The following CTNNA1 variants were observed in gnomAD, a reference collection of about 807,000 sequenced individuals.
CTNNA1 encodes the protein catenin alpha 1.
In CTNNA1, 37 loss-of-function variants were observed where a neutral mutation model predicts 98.4. That is an observed-to-expected ratio of 0.38 (90% CI 0.29 to 0.49). The LOEUF (loss-of-function observed/expected upper bound fraction) is 0.49. Ranked by LOEUF, CTNNA1 falls within the 20% of genes least tolerant of loss-of-function variation. The pLI is 0.95. For missense variants in CTNNA1, 761 were observed against 1,147.2 expected, an observed-to-expected ratio of 0.66 and a Z score of 4.86; for synonymous variants, 404 against 413.2, an observed-to-expected ratio of 0.98 and a Z score of 0.27.
intron 6 of CTNNA1, among the ~76,000 whole-genome samples, chr5:138,825,666 G>T (rs1760642169): frequency 2.6e-5 from 4 of 151,142 alleles, no homozygotes; most frequent in Non-Finnish European, 5.9e-5. Context: ...GTTTTTCCTT[G>T]CCTTTACCTT....
chr5:138,766,555 A>G (rs1403481157), intron 1 of CTNNA1, among the ~76,000 whole-genome samples: 1 of 151,656 alleles, frequency 6.6e-6, no homozygotes, highest in African/African-American at 2.4e-5. Context: ...TCAACCAGAG[A>G]TAACAGAGCC....
At chr5:138,920,804 T>A (rs897730659) in intron 11 of CTNNA1, among the ~76,000 whole-genome samples, 4 of 152,218 alleles carry the variant, frequency 2.6e-5, no homozygotes, top group African/African-American at 9.6e-5. Flanking sequence ...AGCTCCTTTG[T>A]TCTGGATATT....
chr5:138,825,524 C>G (rs1228673980), intron 6 of CTNNA1, among the ~76,000 whole-genome samples: 5 of 42,624 alleles, frequency 1.2e-4, no homozygotes, highest in African/African-American at 5.6e-4. Context: ...ACTGTTGGGG[C>G]TAATTAAAAA....
chr5:138,759,507 C>T (rs1431478037), intron 1 of CTNNA1, among the ~76,000 whole-genome samples: 1 of 152,172 alleles, frequency 6.6e-6, no homozygotes, highest in East Asian at 1.9e-4. Flanking sequence ...GAGGTGGGGG[C>T]CCTTGGCCCA....
chr5:138,902,506 G>A (rs779041528), intron 9 of CTNNA1, among the ~76,000 whole-genome samples: 2 of 152,130 alleles, frequency 1.3e-5, no homozygotes, highest in African/African-American at 4.8e-5. Flanking sequence ...TGCAAGCTCC[G>A]CCTCTCAGGT....
intron 3 of CTNNA1, among the ~76,000 whole-genome samples, chr5:138,795,073 T>G (rs1756791580): frequency 6.9e-6 from 1 of 145,710 alleles, no homozygotes; most frequent in South Asian, 2.1e-4. Context: ...TCACTTGAAC[T>G]CGGGAGGTGA....
chr5:138,846,198 C>T (rs561321824), intron 7 of CTNNA1, among the ~76,000 whole-genome samples: 10 of 152,320 alleles, frequency 6.6e-5, no homozygotes, highest in African/African-American at 2.2e-4. Context: ...GTGATCCACC[C>T]TCCTCGGCCT....
intron 1 of CTNNA1, among the ~76,000 whole-genome samples, chr5:138,767,516 T>C (rs1325252726): frequency 6.6e-6 from 1 of 152,216 alleles, no homozygotes; most frequent in Non-Finnish European, 1.5e-5. Flanking sequence ...TTCCTGACTA[T>C]TTGGGGACCG....
At chr5:138,909,007 G>C (rs1561712618) in intron 10 of CTNNA1, among the ~76,000 whole-genome samples, 1 of 152,064 alleles carries the variant, frequency 6.6e-6, no homozygotes, top group African/African-American at 2.4e-5. Context: ...TATAGTAGCT[G>C]CTTTAAATAT....
chr5:138,810,723 C>T (rs1169700493), intron 4 of CTNNA1, among the ~76,000 whole-genome samples: 3 of 152,210 alleles, frequency 2.0e-5, no homozygotes, highest in Non-Finnish European at 2.9e-5. Flanking sequence ...TCCGATTTCT[C>T]AATCTTTTCC....
intron 10 of CTNNA1, among the ~76,000 whole-genome samples, chr5:138,909,544 G>A (rs1760084249): frequency 6.6e-6 from 1 of 151,776 alleles, no homozygotes; most frequent in African/African-American, 2.4e-5. Flanking sequence ...TTTTTTGTTT[G>A]CCCAGGCTGG....
intron 7 of CTNNA1, chr5:138,828,347 C>T (rs1760931261): frequency 6.6e-6 from 1 of 151,286 alleles, no homozygotes; most frequent in South Asian, 2.1e-4. Flanking sequence ...CATAAAAACC[C>T]AGGCTATGAA....
chr5:138,864,116 C>T (rs75508164), intron 7 of CTNNA1, among the ~76,000 whole-genome samples: 120 of 152,302 alleles, frequency 7.9e-4, no homozygotes, highest in African/African-American at 2.7e-3. Context: ...GTGCACCACA[C>T]CCAGCTACTT....
intron 3 of CTNNA1, among the ~76,000 whole-genome samples, chr5:138,799,703 G>A (rs1241057477): frequency 6.7e-6 from 1 of 149,794 alleles, no homozygotes; most frequent in African/African-American, 2.5e-5. Flanking sequence ...TTATATACTT[G>A]TTTATAGTTT....
At position 138,931,099 on chromosome 5, in the gene CTNNA1, GC is replaced by G. The variant is rs1765202736; in HGVS notation, c.2298+165del. 1.1e-5 allele frequency: 7 copies of G among 613,418 alleles called. No homozygotes were observed. In the East Asian group the frequency reaches 2.0e-4, roughly 17 times the overall value. 38.0% of individuals were successfully genotyped at this position (613,418 alleles called of 1,614,324 possible). ...CATAGATTTGTAAGGATTCTCTAGA[GC>G]GGATGTGTATGTCCTGGAATCTTCC... On this transcript the variant is annotated intron_variant, in intron 16 of 17. Transcript: ENST00000302763.
chr5:138,863,402 A>C (rs553344473), intron 7 of CTNNA1, among the ~76,000 whole-genome samples: 4 of 151,998 alleles, frequency 2.6e-5, no homozygotes, highest in South Asian at 4.2e-4. Flanking sequence ...CACCTGGCTA[A>C]TTTTTGTGTA....
At chr5:138,810,747 C>G (rs1275290704) in intron 4 of CTNNA1, among the ~76,000 whole-genome samples, 2 of 152,120 alleles carry the variant, frequency 1.3e-5, no homozygotes, top group Non-Finnish European at 2.9e-5. Context: ...CCTTTCCCCC[C>G]TTTCTATTCC....
chr5:138,795,446 ACT>A (rs1221937885), intron 3 of CTNNA1, among the ~76,000 whole-genome samples: 2 of 151,824 alleles, frequency 1.3e-5, no homozygotes, highest in African/African-American at 4.8e-5. Context: ...CGACAGCGAG[ACT>A]CTGTCTCAGA....
intron 10 of CTNNA1, among the ~76,000 whole-genome samples, chr5:138,911,227 C>A (rs886756115): frequency 1.4e-4 from 22 of 152,084 alleles, no homozygotes. Context: ...CAGAGTGAGA[C>A]CCTGTCTCAA....
Sources: gnomAD v4.1 joint callset for allele counts (sites outside exome capture counted in the v4.1 genomes callset) on GRCh38, gnomAD v4.1.1 for gene constraint, MANE v1.5 for transcripts, NCBI Gene and HGNC (gene_info 2026-07-23, HGNC 2026-07-21) for gene names.